CHRDL1: variants seen among roughly 807,000 people sequenced by gnomAD.
The protein encoded by CHRDL1 is chordin like 1.
Under a neutral mutation model 40.9 loss-of-function variants are expected in CHRDL1, and 19 were observed. The observed-to-expected ratio is 0.46, with a 90% confidence interval of 0.32 to 0.68. The LOEUF is 0.68. CHRDL1 is among the 30% of genes least tolerant of loss of function. The probability of loss-of-function intolerance (pLI) is 0.03; values close to 1 mark genes in which losing one functional copy is unlikely to be tolerated. For missense variants in CHRDL1, 329 were observed against 352.1 expected, an observed-to-expected ratio of 0.93 and a Z score of 0.53; for synonymous variants, 136 against 123.4, an observed-to-expected ratio of 1.10 and a Z score of -0.68.
At chrX:110,700,603 G>A in intron 7 of CHRDL1, 51 bp downstream of exon 7, 1 of 842,853 alleles carries the variant, frequency 1.2e-6, no homozygotes, top group Non-Finnish European at 1.8e-6. Context: ...GGAGAGGAAA[G>A]CTTGGCCTGA....
intron 2 of CHRDL1, among the ~76,000 whole-genome samples, chrX:110,778,279 C>G: frequency 8.9e-6 from 1 of 112,119 alleles, no homozygotes; most frequent in Non-Finnish European, 1.9e-5. Context: ...TAAAGAGCTT[C>G]TGCACAGCAA....
chrX:110,728,205 ATGT>A (rs2071092533), intron 4 of CHRDL1, among the ~76,000 whole-genome samples: 2 of 109,478 alleles, frequency 1.8e-5, no homozygotes, highest in Non-Finnish European at 3.8e-5. Flanking sequence ...GGGGAACTAC[ATGT>A]TGTAGGGAGA....
chrX:110,770,144 A>C (rs959281856), intron 2 of CHRDL1, among the ~76,000 whole-genome samples: 3 of 112,481 alleles, frequency 2.7e-5, no homozygotes, highest in African/African-American at 9.7e-5. Flanking sequence ...TCAAACCCTG[A>C]TAACCTTTTC....
chrX:110,794,077 C>T (rs763776945), intron 1 of CHRDL1, among the ~76,000 whole-genome samples: 91 of 111,820 alleles, frequency 8.1e-4, no homozygotes, highest in Non-Finnish European at 1.5e-3. Context: ...GTATTCTGTG[C>T]AGAAATATGA....
At chrX:110,724,063 C>A (rs930048330) in intron 4 of CHRDL1, among the ~76,000 whole-genome samples, 1 of 110,834 alleles carries the variant, frequency 9.0e-6, no homozygotes, top group African/African-American at 3.3e-5. Flanking sequence ...GAAGCAGGCC[C>A]ATTTGCCCCC....
intron 3 of CHRDL1, among the ~76,000 whole-genome samples, chrX:110,761,872 CTG>C (rs2089569355): frequency 8.9e-6 from 1 of 112,426 alleles, no homozygotes; most frequent in Admixed American, 9.4e-5. Flanking sequence ...TTCTAAATGA[CTG>C]GACAAGAGCC....
At chrX:110,787,128 G>A (rs1345625964) in intron 2 of CHRDL1, among the ~76,000 whole-genome samples, 1 of 111,897 alleles carries the variant, frequency 8.9e-6, no homozygotes, top group Non-Finnish European at 1.9e-5. Flanking sequence ...TCTTTGGCTT[G>A]TAAGAGAGTT....
intron 1 of CHRDL1, among the ~76,000 whole-genome samples, chrX:110,793,603 A>C (rs2090137085): frequency 8.9e-6 from 1 of 112,103 alleles, no homozygotes; most frequent in Admixed American, 9.5e-5. Flanking sequence ...ATTTTCATTA[A>C]CAATTTAACA....
intron 4 of CHRDL1, among the ~76,000 whole-genome samples, chrX:110,756,523 GATCATT>G (rs1173890544): frequency 4.5e-5 from 5 of 111,282 alleles, no homozygotes; most frequent in African/African-American, 1.6e-4. Flanking sequence ...ATCAGTCCAT[GATCATT>G]ATCAGAGACT....
intron 4 of CHRDL1, among the ~76,000 whole-genome samples, chrX:110,741,709 C>T (rs1490296181): frequency 1.8e-5 from 2 of 111,821 alleles, no homozygotes; most frequent in African/African-American, 6.5e-5. Flanking sequence ...TCTCCAGTGT[C>T]CTTGGCATCT....
intron 6 of CHRDL1, among the ~76,000 whole-genome samples, chrX:110,719,386 C>T (rs1363759886): frequency 9.0e-6 from 1 of 111,572 alleles, no homozygotes; most frequent in Non-Finnish European, 1.9e-5. Context: ...AGTTTGTCAC[C>T]ATCTTATTAT....
At chrX:110,767,257 A>G (rs1206095299) in intron 2 of CHRDL1, among the ~76,000 whole-genome samples, 2 of 111,506 alleles carry the variant, frequency 1.8e-5, no homozygotes, top group Non-Finnish European at 3.8e-5. Context: ...AAAAGTTGAA[A>G]GCATTCCCTC....
In CHRDL1 at chrX:110,679,444, T is replaced by C. The variant is rs1327454516; in HGVS notation, c.1157-19A>G. ...AGAATGCCTAGGGCCAAGCAAAAAGTGGAGCAAATGGTCAGGCACTCAATC... is the reference window on the plus strand; with the variant it reads ...AGAATGCCTAGGGCCAAGCAAAAAGCGGAGCAAATGGTCAGGCACTCAATC... On this transcript the variant is annotated intron_variant, in intron 10 of 11. Transcript: ENST00000372042. 16 of 1,064,933 alleles carry C rather than the reference T, an allele frequency of 1.5e-5. No individual in the cohort carries two copies. Among genetic ancestry groups the C allele is most frequent in the Non-Finnish European group, 2.0e-5 (15 of 763,141 alleles). 87.8% of individuals were successfully genotyped at this position (1,064,933 alleles called of 1,213,427 possible).
chrX:110,704,695 A>C (rs2070587374), intron 6 of CHRDL1, among the ~76,000 whole-genome samples: 1 of 111,692 alleles, frequency 9.0e-6, no homozygotes. Context: ...GGATGAGCTT[A>C]GATTTACTTG....
intron 2 of CHRDL1, among the ~76,000 whole-genome samples, chrX:110,774,191 C>T (rs1339642330): frequency 8.9e-6 from 1 of 111,812 alleles, no homozygotes; most frequent in African/African-American, 3.2e-5. Flanking sequence ...ATAACAACTC[C>T]AGCTTTCTCT....
chrX:110,764,767 G>A (rs925805638), intron 2 of CHRDL1, among the ~76,000 whole-genome samples: 1 of 110,874 alleles, frequency 9.0e-6, no homozygotes, highest in African/African-American at 3.3e-5. Flanking sequence ...GATTACTCTG[G>A]GAAAGGAATG....
chrX:110,762,838 T>C (rs2089590070), intron 2 of CHRDL1, 31 bp from the exon 3 acceptor site: 1 of 801,527 alleles, frequency 1.2e-6, no homozygotes, highest in African/African-American at 2.0e-5. Flanking sequence ...AATATGCCTG[T>C]TAGGAAACAT....
At position 110,762,730 on chromosome X, in the gene CHRDL1, C is replaced by T. The variant is rs780175831; in HGVS notation, c.172G>A (p.Gly58Arg). 8.4e-7 allele frequency: 1 copy of T among 1,187,693 alleles called. No homozygotes were observed. The highest frequency in any genetic ancestry group is 1.1e-6 in the Non-Finnish European group (1 of 875,748). Residue 58 changes from glycine (G) to arginine (R), a missense_variant, in exon 3 of 12, where the codon GGG becomes AGG. By Grantham distance (125) the Gly-to-Arg change is moderately radical. Transcript: ENST00000372042. Reference sequence around the variant, plus strand: ...ATGCAGTTCACGCAGTAAACCAACCCATAAGGTTCCAGGTAAGGATGCCAT... The same window carrying T: ...ATGCAGTTCACGCAGTAAACCAACCTATAAGGTTCCAGGTAAGGATGCCAT... ...ERWHPYLEPY[G>R]LVYCVNCICS...
chrX:110,690,330 G>T (rs1244447941), intron 8 of CHRDL1, among the ~76,000 whole-genome samples: 12 of 107,647 alleles, frequency 1.1e-4, no homozygotes, highest in African/African-American at 3.7e-4. Context: ...TTACAGGCGC[G>T]AGCCACTGCG....
Sources: gnomAD v4.1 joint callset for allele counts (sites outside exome capture counted in the v4.1 genomes callset) on GRCh38, gnomAD v4.1.1 for gene constraint, MANE v1.5 for transcripts, NCBI Gene and HGNC (gene_info 2026-07-23, HGNC 2026-07-21) for gene names.